The following SLC25A18 variants were observed in gnomAD, a reference collection of about 807,000 sequenced individuals.
The protein encoded by SLC25A18 is mitochondrial glutamate carrier 2.
In SLC25A18, 24 loss-of-function variants were observed where a neutral mutation model predicts 31.1. The observed-to-expected ratio is 0.77, with a 90% CI of 0.56 to 1.08. The LOEUF (loss-of-function observed/expected upper bound fraction) is 1.08, where lower values mean the gene tolerates loss of function less well. Ranked by LOEUF, SLC25A18 falls within the 50% of genes least tolerant of loss-of-function variation. The pLI, the probability that SLC25A18 is intolerant of heterozygous loss-of-function variation, is 0.00. For synonymous variants in SLC25A18, 173 were observed against 161.9 expected (o/e 1.07, Z -0.52); for missense variants, 371 against 418.5 (o/e 0.89, Z 0.99).
At position 17,570,006 on chromosome 22, in the gene SLC25A18, G is replaced by T. The variant is rs544191503; in HGVS notation, c.-201+20G>T. 1.0e-6 allele frequency: 1 copy of T among 985,178 alleles called. No homozygotes were observed. The highest frequency in any genetic ancestry group is 1.7e-5 in the African/African-American group (1 of 57,208). The allele number at this position is 985,178 out of a possible 1,614,324, so 61.0% of individuals were successfully genotyped here. A position where few individuals can be genotyped will look rare whatever the true frequency, so the allele number is the denominator to read the frequency against. On this transcript the variant is annotated intron_variant, in intron 2 of 10. Transcript: ENST00000327451. ...AAGCAGGTAAGTGTCTTGTCTGTCT[G>T]CATCAAGCTCAGAGTTGGTAGGAAA... is the stretch of plus-strand genomic sequence containing the variant.
chr22:17,581,610 A>AC (rs1207541477), intron 5 of SLC25A18, 197 bp downstream of exon 5: 1 of 563,664 alleles, frequency 1.8e-6, no homozygotes. Context: ...CACAGAGCAC[A>AC]CCCCCCGCCA....
chr22:17,583,384 C>T (rs201632528), intron 6 of SLC25A18, 32 bp from the exon 7 acceptor site: 22 of 1,612,656 alleles, frequency 1.4e-5, no homozygotes, highest in South Asian at 1.3e-4. Flanking sequence ...CTGTGGCCTG[C>T]GGCTGAAGGA....
rs745698932 is a variant in SLC25A18, at chr22:17,587,290, CA to C, written c.565del (p.Thr189LeufsTer46). On this transcript the variant is annotated frameshift_variant, in exon 8 of 11. Transcript: ENST00000327451. LOFTEE classifies it high-confidence loss of function. The part of the protein sequence containing the change: ...LAGLYRGLGA[T>X]LLRDIPFSII... ...CTGGGCTCTACAGGGGCCTGGGTGC[CA>C]CTCTCCTCAGGTGAGCCTTTCTTCC... 1.2e-6 allele frequency: 2 copies of C among 1,612,658 alleles called. No homozygotes were observed. Among genetic ancestry groups the C allele is most frequent in the Non-Finnish European group, 1.7e-6 (2 of 1,179,718 alleles).
Position 17,569,957 on chromosome 22 carries a change from A to C in SLC25A18, c.-230A>C, listed in dbSNP as rs999953959. On this transcript the variant is annotated 5_prime_UTR_variant, in exon 2 of 11. Coordinates refer to ENST00000327451, the MANE Select transcript of SLC25A18 (RefSeq NM_031481.3). ...CGATCTGAACTATATCCTGGGTTCC[A>C]GAAAAGGCAGAGGTTCTTACCGAAA... 262 of 985,500 alleles carry C rather than the reference A, an allele frequency of 2.7e-4. 2 individuals carry two copies. Among genetic ancestry groups the C allele is most frequent in the Non-Finnish European group, 4.5e-5 (37 of 829,968 alleles). The allele number at this position is 985,500 out of a possible 1,614,324, so 61.0% of individuals were successfully genotyped here.
intron 9 of SLC25A18, chr22:17,589,069 CCAAA>C (rs1369646871): frequency 3.3e-5 from 5 of 152,450 alleles, no homozygotes; most frequent in South Asian, 2.1e-4. Flanking sequence ...CTCAACAAAA[CCAAA>C]CAAAGCCACA....
chr22:17,572,775 G>C (rs1156274885), intron 2 of SLC25A18, among the ~76,000 whole-genome samples: 1 of 146,196 alleles, frequency 6.8e-6, no homozygotes, highest in Non-Finnish European at 1.5e-5. Flanking sequence ...CCGAGTAGCT[G>C]GGACTACAGG....
At chr22:17,570,554 G>A (rs1318934911) in intron 2 of SLC25A18, among the ~76,000 whole-genome samples, 1 of 152,164 alleles carries the variant, frequency 6.6e-6, no homozygotes, top group Non-Finnish European at 1.5e-5. Context: ...GCATGATGGC[G>A]GCTCACCGCA....
At position 17,584,386 on chromosome 22, in the gene SLC25A18, C is replaced by T. The variant is rs113250494; in HGVS notation, c.409+852C>T. On this transcript the variant is annotated intron_variant, in intron 7 of 10. Coordinates refer to ENST00000327451, the MANE Select transcript of SLC25A18 (RefSeq NM_031481.3). Reference sequence around the variant, plus strand: ...CCAGCCTGGGAGACAGAGCAAGACTCCATCTCAAAAAGAAAAGAAAGAAAG... The same window carrying T: ...CCAGCCTGGGAGACAGAGCAAGACTTCATCTCAAAAAGAAAAGAAAGAAAG... 9.9e-3 allele frequency among the ~76,000 whole-genome samples: 1,106 copies of T among 111,160 alleles called. 14 individuals carry two copies. The highest frequency in any genetic ancestry group is 0.031 in the African/African-American group (949 of 30,856). The allele number at this position is 111,160 out of a possible 152,430, so 72.9% of individuals were successfully genotyped here. A position where few individuals can be genotyped will look rare whatever the true frequency, so the allele number is the denominator to read the frequency against.
chr22:17,580,488 TGACC>T, intron 3 of SLC25A18: 1 of 985,662 alleles, frequency 1.0e-6, no homozygotes. Context: ...CCTCAAGGGC[TGACC>T]GACTTGAAGC....
In SLC25A18 at chr22:17,579,887, C is replaced by A; in HGVS notation, c.-58C>A. ...CACTTCTTCCCCCAGACAGCCCCAA[C>A]AGCGGCTACCCCAAGGAGCCAGCAG... is the stretch of plus-strand genomic sequence containing the variant. On this transcript the variant is annotated 5_prime_UTR_variant, in exon 3 of 11. Transcript: ENST00000327451. 1.3e-6 allele frequency: 2 copies of A among 1,586,086 alleles called. No homozygotes were observed. Among genetic ancestry groups the A allele is most frequent in the Admixed American group, 3.6e-5 (2 of 55,676 alleles).
chr22:17,580,727 G>A (rs1471015330), intron 3 of SLC25A18: 4 of 1,120,318 alleles, frequency 3.6e-6, no homozygotes, highest in African/African-American at 1.6e-5. Context: ...GCCAGAGGAC[G>A]GGCCGGGGAA....
intron 10 of SLC25A18, 145 bp from the exon 11 acceptor site, chr22:17,589,950 C>A: frequency 1.7e-6 from 2 of 1,200,536 alleles, no homozygotes; most frequent in Non-Finnish European, 2.3e-6. Flanking sequence ...GCGGGCGAGG[C>A]ACAGCTCCCA....
rs1348726803 is a variant in SLC25A18 at position 17,587,165 on chromosome 22, C to T, written c.439C>T (p.Pro147Ser). Residue 147 changes from proline to serine, a missense_variant, in exon 8 of 11, where the codon CCC (proline) becomes TCC (serine). Physicochemically the swap from Pro to Ser is moderately conservative, Grantham distance 74. Coordinates refer to ENST00000327451, the MANE Select transcript of SLC25A18 (RefSeq NM_031481.3). ...CCATCATCAGGGCTCGGCCTCAGCA[C>T]CCTCCACCTCCAGGTCCTACACAAC... ...AVHHQGSASA[P>S]STSRSYTTGS... 3.1e-6 allele frequency: 5 copies of T among 1,613,992 alleles called. No individual in the cohort carries two copies. In the African/African-American group the frequency reaches 5.3e-5, roughly 17 times the overall value.
rs2057435668 is a variant in SLC25A18, at chr22:17,583,428, C to A, written c.303C>A (p.Asn101Lys). 6.2e-7 allele frequency: 1 copy of A among 1,614,024 alleles called. No individual in the cohort carries two copies. The highest frequency in any genetic ancestry group is 8.5e-7 in the Non-Finnish European group (1 of 1,180,012). ...RLLMEDGMQR[N>K]LKMEMLAGCG... ...CCTGTTCCCATAGGATGCAGCGGAA[C>A]CTGAAGATGGAGATGCTTGCCGGGT... Residue 101 changes from asparagine (N) to lysine (K), a missense_variant, in exon 7 of 11, where the codon AAC becomes AAA. Physicochemically the swap from Asn to Lys is moderately conservative, Grantham distance 94. Coordinates refer to ENST00000327451, the MANE Select transcript of SLC25A18 (RefSeq NM_031481.3).
At chr22:17,589,960 A>C in intron 10 of SLC25A18, 135 bp from the exon 11 acceptor site, 40 of 1,287,416 alleles carry the variant, frequency 3.1e-5, no homozygotes, top group Non-Finnish European at 4.1e-5. Flanking sequence ...CACAGCTCCC[A>C]CACCGTTGGC....
chr22:17,577,989 T>C (rs991887398), intron 2 of SLC25A18, among the ~76,000 whole-genome samples: 13 of 151,126 alleles, frequency 8.6e-5, no homozygotes, highest in Non-Finnish European at 1.8e-4. Flanking sequence ...TTTTTTTTTT[T>C]TTCTTCTTTG....
chr22:17,570,126 G>T (rs1041248309), intron 2 of SLC25A18, 140 bp downstream of exon 2: 3 of 539,260 alleles, frequency 5.6e-6, no homozygotes, highest in Non-Finnish European at 7.1e-6. Flanking sequence ...GTCAGAAGGG[G>T]TGGGCACGAG....
chr22:17,584,481 AAGAAAG>A (rs1456399498), intron 7 of SLC25A18, among the ~76,000 whole-genome samples: 5 of 149,134 alleles, frequency 3.4e-5, no homozygotes, highest in African/African-American at 1.2e-4. Flanking sequence ...GAAAGAAAGA[AAGAAAG>A]AAAGAAATGC....
chr22:17,563,904 G>A (rs2056867623), intron 1 of SLC25A18, among the ~76,000 whole-genome samples, 191 bp downstream of exon 1: 1 of 152,212 alleles, frequency 6.6e-6, no homozygotes, highest in African/African-American at 2.4e-5. Flanking sequence ...AGCAGATGAA[G>A]GAAAAATATT....
Sources: gnomAD v4.1 joint callset for allele counts (sites outside exome capture counted in the v4.1 genomes callset) on GRCh38, gnomAD v4.1.1 for gene constraint, MANE v1.5 for transcripts, NCBI Gene and HGNC (gene_info 2026-07-23, HGNC 2026-07-21) for gene names.